DUSP10: variants seen among roughly 807,000 people sequenced by gnomAD.
DUSP10 encodes dual specificity protein phosphatase 10.
Under a neutral mutation model 30.8 loss-of-function variants are expected in DUSP10, and 14 were observed. That is an observed-to-expected ratio of 0.46 (90% CI 0.30 to 0.71). DUSP10 has a LOEUF of 0.71. Among genes scored for constraint, DUSP10 ranks in the 30% least tolerant of loss-of-function variants. The pLI, the probability that DUSP10 is intolerant of heterozygous loss-of-function variation, is 0.08. For missense variants in DUSP10, 550 were observed against 619.4 expected, an observed-to-expected ratio of 0.89 and a Z score of 1.19; for synonymous variants, 254 against 250.4, an observed-to-expected ratio of 1.01 and a Z score of -0.14.
In DUSP10 at chr1:221,702,876, A is replaced by C. The variant is rs917460078; in HGVS notation, c.1184-199T>G. Among the ~76,000 whole-genome samples, 1 of 152,248 alleles carries C rather than the reference A, an allele frequency of 6.6e-6. No individual in the cohort carries two copies. Among genetic ancestry groups the C allele is most frequent in the Middle Eastern group, 3.2e-3 (1 of 316 alleles). On this transcript the variant is annotated intron_variant, in intron 3 of 3. Transcript: ENST00000366899. This position sits in a 1 kb window ranked among gnomAD's most constrained non-coding sequence, Gnocchi z 4.5. ...TCCAGAACTGGCTAAAGTTGATATC[A>C]GCACGAACAAGAAGCTATACATCTA...
chr1:221,741,050 GAC>G (rs1197416853), intron 1 of DUSP10, among the ~76,000 whole-genome samples: 1 of 151,998 alleles, frequency 6.6e-6, no homozygotes, highest in Non-Finnish European at 1.5e-5. Flanking sequence ...GTCTACACAC[GAC>G]CGTCACCATT....
chr1:221,713,751 G>T (rs1661013763), intron 2 of DUSP10, among the ~76,000 whole-genome samples: 1 of 152,140 alleles, frequency 6.6e-6, no homozygotes, highest in Non-Finnish European at 1.5e-5. Flanking sequence ...TGGAGAGCAG[G>T]ACTAGTCTTA....
At position 221,739,156 on chromosome 1, in the gene DUSP10, C is replaced by T. The variant is rs1661870206; in HGVS notation, c.589G>A (p.Ala197Thr). 14 of 1,614,204 alleles carry T rather than the reference C, an allele frequency of 8.7e-6. No individual in the cohort carries two copies. Among genetic ancestry groups the T allele is most frequent in the Non-Finnish European group, 1.2e-5 (14 of 1,180,046 alleles). Reference sequence around the variant, plus strand: ...AGTCTCCGCCGGCTGATCTTATCGGCACAGTTAATGTGGACAGCTCCTTGG... The same window carrying T: ...AGTCTCCGCCGGCTGATCTTATCGGTACAGTTAATGTGGACAGCTCCTTGG... ...HIQGAVHINC[A>T]DKISRRRLQQ... The change falls in exon 2 of 4, where the codon GCC (alanine) becomes ACC (threonine). Residue 197 changes from alanine to threonine, a missense_variant. By Grantham distance (58) the Ala-to-Thr change is moderately conservative (BLOSUM62 0). Coordinates refer to ENST00000366899, the MANE Select transcript of DUSP10 (RefSeq NM_007207.6).
intron 2 of DUSP10, among the ~76,000 whole-genome samples, chr1:221,709,221 CTTTG>C (rs1660863414): frequency 6.6e-6 from 1 of 152,088 alleles, no homozygotes; most frequent in African/African-American, 2.4e-5. Flanking sequence ...AGAAGAACTA[CTTTG>C]TTTAAGGCCT....
chr1:221,732,231 G>A (rs905198235), intron 2 of DUSP10, among the ~76,000 whole-genome samples: 1 of 152,228 alleles, frequency 6.6e-6, no homozygotes, highest in Non-Finnish European at 1.5e-5. Flanking sequence ...TTGTACAGCT[G>A]TGGAGACCAC....
intron 2 of DUSP10, among the ~76,000 whole-genome samples, chr1:221,734,557 C>T (rs1661707731): frequency 6.6e-6 from 1 of 152,196 alleles, no homozygotes; most frequent in African/African-American, 2.4e-5. Flanking sequence ...GAACACTTTA[C>T]ACACATTAAT....
At chr1:221,727,719 A>G (rs1219404793) in intron 2 of DUSP10, among the ~76,000 whole-genome samples, 1 of 152,204 alleles carries the variant, frequency 6.6e-6, no homozygotes, top group Non-Finnish European at 1.5e-5. Flanking sequence ...CCTTGAATTT[A>G]TTTTAAGCTT....
chr1:221,703,591 C>G (rs1398367254), intron 3 of DUSP10, among the ~76,000 whole-genome samples: 2 of 152,194 alleles, frequency 1.3e-5, no homozygotes, highest in Non-Finnish European at 2.9e-5. Context: ...GGCAATAATG[C>G]AGAAGATGGA....
chr1:221,719,275 A>G (rs974545979), intron 2 of DUSP10, among the ~76,000 whole-genome samples: 5 of 152,214 alleles, frequency 3.3e-5, no homozygotes, highest in Non-Finnish European at 2.9e-5. Flanking sequence ...GCTGGATTCT[A>G]TGTTTGGTGA....
rs920270965 is a variant in DUSP10 at position 221,737,490 on chromosome 1, A to G, written c.811+1444T>C. ...CAGAAACAATAAAATACAGAGCTATATGGAGGAAATCTGAACATATTTGTG... is the reference window on the plus strand; with the variant it reads ...CAGAAACAATAAAATACAGAGCTATGTGGAGGAAATCTGAACATATTTGTG... On this transcript the variant is annotated intron_variant, in intron 2 of 3. Coordinates refer to ENST00000366899, the MANE Select transcript of DUSP10 (RefSeq NM_007207.6). 7.1e-6 allele frequency: 7 copies of G among 984,552 alleles called. No individual in the cohort carries two copies. In the African/African-American group the frequency reaches 1.0e-4, roughly 15 times the overall value. The allele number at this position is 984,552 out of a possible 1,614,324, so 61.0% of individuals were successfully genotyped here.
intron 1 of DUSP10, among the ~76,000 whole-genome samples, chr1:221,741,633 CG>C (rs1661957538): frequency 1.3e-5 from 2 of 152,042 alleles, no homozygotes; most frequent in Non-Finnish European, 2.9e-5. Flanking sequence ...AACATCCCCC[CG>C]CCCCCCGCTT....
At chr1:221,705,606 A>T (rs1462328880) in intron 3 of DUSP10, among the ~76,000 whole-genome samples, 1 of 152,144 alleles carries the variant, frequency 6.6e-6, no homozygotes, top group Non-Finnish European at 1.5e-5. Context: ...GAAACCTAGT[A>T]CCATCTCCCC....
At position 221,739,765 on chromosome 1, in the gene DUSP10, A is replaced by T; in HGVS notation, c.-21T>A. 1 of 1,550,874 alleles carries T rather than the reference A, an allele frequency of 6.4e-7. No homozygotes were observed. The highest frequency in any genetic ancestry group is 8.7e-7 in the Non-Finnish European group (1 of 1,149,728). ...GGCATGAGGAGGCTGAAAACTGGCA[A>T]TTCAAGAAGAACTCAAGACAGTCTG... is the stretch of plus-strand genomic sequence containing the variant. On this transcript the variant is annotated 5_prime_UTR_variant, in exon 2 of 4. The change creates a new upstream start codon in the 5' untranslated region. Transcript: ENST00000366899.
chr1:221,715,818 G>T (rs1661086998), intron 2 of DUSP10, among the ~76,000 whole-genome samples: 1 of 152,152 alleles, frequency 6.6e-6, no homozygotes, highest in African/African-American at 2.4e-5. Flanking sequence ...AGTTCCCAGA[G>T]CCAGGAAGCC....
chr1:221,710,793 G>A (rs1158341574), intron 2 of DUSP10, among the ~76,000 whole-genome samples: 1 of 152,106 alleles, frequency 6.6e-6, no homozygotes, highest in African/African-American at 2.4e-5. Flanking sequence ...CCACAGAATT[G>A]GATTTTGAAA....
At chr1:221,741,842 T>C in intron 1 of DUSP10, 139 bp downstream of exon 1, 1 of 152,612 alleles carries the variant, frequency 6.6e-6, no homozygotes, top group Non-Finnish European at 1.5e-5. Flanking sequence ...ATCTCTATCT[T>C]TCTGTCTCTG....
At chr1:221,729,849 A>T (rs558977327) in intron 2 of DUSP10, among the ~76,000 whole-genome samples, 71 of 152,348 alleles carry the variant, frequency 4.7e-4, no homozygotes, top group African/African-American at 1.7e-3. Context: ...AATAGAAATT[A>T]AAAGAAACAA....
In DUSP10 at chr1:221,723,613, G is replaced by C. The variant is rs184548308; in HGVS notation, c.811+15321C>G. 3.6e-4 allele frequency among the ~76,000 whole-genome samples: 55 copies of C among 152,280 alleles called. 1 individual carries two copies. Among genetic ancestry groups the C allele is most frequent in the Non-Finnish European group, 1.5e-4 (10 of 68,018 alleles). ...ATGCTTCAGGCTTGATAATTCACTA[G>C]AATGACTCACAGAACACAAGCCCTA... is the stretch of plus-strand genomic sequence containing the variant. On this transcript the variant is annotated intron_variant, in intron 2 of 3. Coordinates refer to ENST00000366899, the MANE Select transcript of DUSP10 (RefSeq NM_007207.6).
chr1:221,717,965 C>T (rs993017378), intron 2 of DUSP10, among the ~76,000 whole-genome samples: 8 of 152,050 alleles, frequency 5.3e-5, no homozygotes, highest in African/African-American at 9.7e-5. Flanking sequence ...AGAAATACAA[C>T]GTATAATACT....
Sources: gnomAD v4.1 joint callset for allele counts (sites outside exome capture counted in the v4.1 genomes callset) on GRCh38, gnomAD v4.1.1 for gene constraint, Gnocchi (gnomAD v3.1) non-coding constraint, MANE v1.5 for transcripts, NCBI Gene and HGNC (gene_info 2026-07-23, HGNC 2026-07-21) for gene names.